TLCD4: variants seen among roughly 807,000 people sequenced by gnomAD.
The protein encoded by TLCD4 is TLC domain-containing protein 4.
A neutral mutation model predicts 24.2 loss-of-function variants in TLCD4; 7 were observed. The ratio of observed to expected loss-of-function variants is 0.29; its 90% confidence interval spans 0.16 to 0.54. The LOEUF (loss-of-function observed/expected upper bound fraction) is 0.54. Ranked by LOEUF, TLCD4 falls within the 20% of genes least tolerant of loss-of-function variation. TLCD4 has a pLI of 0.95. For missense variants in TLCD4, 259 were observed against 313.9 expected (o/e 0.82, Z 1.32); for synonymous variants, 103 against 106.4 (o/e 0.97, Z 0.20).
At chr1:95,095,159 C>T in the TLCD4 span, among the ~76,000 whole-genome samples, 5 of 152,152 alleles carry the variant, frequency 3.3e-5, no homozygotes, top group South Asian at 1.0e-3. Flanking sequence ...TGCCTTGGAT[C>T]CAATCATACT....
At chr1:95,141,833 A>ACACAC (rs1557682576) in intron 1 of TLCD4, among the ~76,000 whole-genome samples, 10 of 149,876 alleles carry the variant, frequency 6.7e-5, no homozygotes, top group Non-Finnish European at 1.2e-4. Flanking sequence ...ACACACACAC[A>ACACAC]AAGAATGAGG....
At chr1:95,189,027 A>G (rs1678933849) in intron 6 of TLCD4, among the ~76,000 whole-genome samples, 1 of 152,194 alleles carries the variant, frequency 6.6e-6, no homozygotes, top group Non-Finnish European at 1.5e-5. Flanking sequence ...TCAAGCTAAA[A>G]TAGTTCACTG....
rs1676934484 is a variant in TLCD4, at chr1:95,132,916, A to G, written c.-11-10975A>G. Among the ~76,000 whole-genome samples the G allele has an allele frequency of 2.0e-5, 3 of 152,164 alleles. No individual in the cohort carries two copies. The South Asian group carries it at 6.2e-4, about 32-fold the overall frequency. On this transcript the variant is annotated intron_variant, in intron 1 of 6. Transcript: ENST00000370203. ...GTCAGGTAACATGAAAGCTGCACAT[A>G]GCAGTCATTGTTAACCTTAGCAACA...
chr1:95,168,590 C>CG (rs1678101492), intron 5 of TLCD4, among the ~76,000 whole-genome samples: 1 of 88,864 alleles, frequency 1.1e-5, no homozygotes, highest in Non-Finnish European at 2.0e-5. Context: ...TTTTAAGAGA[C>CG]GGGGTCTCAC....
At chr1:95,173,673 A>G in intron 5 of TLCD4, 143 bp from the exon 6 acceptor site, 1 of 1,004,500 alleles carries the variant, frequency 1.0e-6, no homozygotes, top group South Asian at 1.7e-5. Context: ...AAATCAGTTT[A>G]ACAGTAAAAG....
chr1:95,095,704 G>C, the TLCD4 span, among the ~76,000 whole-genome samples: 1 of 152,054 alleles, frequency 6.6e-6, no homozygotes, highest in South Asian at 2.1e-4. Context: ...CACCTCTTTA[G>C]GTCTTAATTA....
chr1:95,105,712 G>A, the TLCD4 span, among the ~76,000 whole-genome samples: 6 of 151,916 alleles, frequency 3.9e-5, no homozygotes, highest in South Asian at 1.2e-3. Flanking sequence ...TGGCTAACAC[G>A]GTGAAACCCT....
chr1:95,094,047 T>A, the TLCD4 span, among the ~76,000 whole-genome samples: 3 of 152,260 alleles, frequency 2.0e-5, no homozygotes, highest in East Asian at 5.8e-4. Context: ...AATAATGATA[T>A]GGGAATTTTG....
At chr1:95,113,305 C>T (rs1198599393), upstream of TLCD4, among the ~76,000 whole-genome samples, 1 of 152,148 alleles carries the variant, frequency 6.6e-6, no homozygotes, top group East Asian at 1.9e-4. Context: ...CTAGGCCTCC[C>T]AAAGTGCTGG....
At chr1:95,099,691 T>C in the TLCD4 span, among the ~76,000 whole-genome samples, 1 of 152,312 alleles carries the variant, frequency 6.6e-6, no homozygotes, top group East Asian at 1.9e-4. Flanking sequence ...ACAATGATGA[T>C]GATGACAACA....
intron 5 of TLCD4, among the ~76,000 whole-genome samples, chr1:95,162,598 G>A (rs999444914): frequency 5.9e-5 from 9 of 152,166 alleles, no homozygotes; most frequent in Non-Finnish European, 1.3e-4. Flanking sequence ...TCATAGCATC[G>A]ATGGTCTTTA....
intron 6 of TLCD4, among the ~76,000 whole-genome samples, chr1:95,187,987 C>T (rs1391317353): frequency 6.6e-6 from 1 of 152,098 alleles, no homozygotes; most frequent in Non-Finnish European, 1.5e-5. Flanking sequence ...TTTAAGGGCA[C>T]TGGTCCTATT....
At chr1:95,113,253 G>T (rs555655486), upstream of TLCD4, among the ~76,000 whole-genome samples, 10 of 152,152 alleles carry the variant, frequency 6.6e-5, no homozygotes, top group South Asian at 1.7e-3. Context: ...ATGTTGGCCA[G>T]GCTGGTGGTC....
chr1:95,119,897 G>T (rs1397645781), intron 1 of TLCD4, among the ~76,000 whole-genome samples: 3 of 152,056 alleles, frequency 2.0e-5, no homozygotes, highest in Admixed American at 2.0e-4. Flanking sequence ...ACTCAGTTTG[G>T]CTGAGAAGAG....
At chr1:95,156,998 A>T (rs1205551610) in intron 5 of TLCD4, among the ~76,000 whole-genome samples, 2 of 152,204 alleles carry the variant, frequency 1.3e-5, no homozygotes, top group African/African-American at 4.8e-5. Flanking sequence ...ACCATAAAAG[A>T]ATGCATTTGG....
intron 5 of TLCD4, among the ~76,000 whole-genome samples, chr1:95,160,922 T>A (rs538746492): frequency 6.6e-6 from 1 of 152,332 alleles, no homozygotes; most frequent in South Asian, 2.1e-4. Flanking sequence ...TATTGAGGAT[T>A]TTTGCATCAA....
intron 6 of TLCD4, among the ~76,000 whole-genome samples, chr1:95,188,838 C>G (rs1678924511): frequency 6.6e-6 from 1 of 152,068 alleles, no homozygotes; most frequent in Non-Finnish European, 1.5e-5. Context: ...CTCAAGGAAC[C>G]CTAGTTTCTT....
the TLCD4 span, among the ~76,000 whole-genome samples, chr1:95,096,557 G>T: frequency 6.6e-6 from 1 of 152,178 alleles, no homozygotes; most frequent in Non-Finnish European, 1.5e-5. Context: ...TCATGACCCA[G>T]ATATCAGTTG....
rs1484382535 is a variant in TLCD4, at chr1:95,173,825, G to T, written c.409G>T (p.Val137Leu). ...YAYYLVLKNG[V>L]LAYIGNFRLL... ...TATGTTTATCATTCAGAAAAATGGA[G>T]TGCTGGCATACATTGGGAATTTTCG... Residue 137 changes from valine to leucine, a missense_variant, in exon 6 of 7, where the codon GTG (valine) becomes TTG (leucine). Transcript: ENST00000370203. 3 of 1,613,982 alleles carry T rather than the reference G, an allele frequency of 1.9e-6. No homozygotes were observed. In the African/African-American group the frequency reaches 4.0e-5, roughly 22 times the overall value.
Sources: allele counts gnomAD v4.1 joint callset (sites outside exome capture counted in the v4.1 genomes callset), GRCh38; gene constraint gnomAD v4.1.1; transcripts MANE v1.5; gene names NCBI Gene and HGNC (gene_info 2026-07-23, HGNC 2026-07-21).